Variants in KCNU1 observed in about 807,000 individuals in gnomAD.
The protein encoded by KCNU1 is potassium channel subfamily U member 1.
In KCNU1, 93 loss-of-function variants were observed where a neutral mutation model predicts 126.8. The observed-to-expected ratio is 0.73, with a 90% CI of 0.62 to 0.87. The LOEUF is 0.87. KCNU1 is among the 40% of genes least tolerant of loss of function. The pLI, the probability that KCNU1 is intolerant of heterozygous loss-of-function variation, is 0.00. For synonymous variants in KCNU1, 523 were observed against 494.2 expected (o/e 1.06, Z -0.77); for missense variants, 1,330 against 1,367.1 (o/e 0.97, Z 0.43).
At chr8:36,877,341 C>A (rs1296190891) in intron 19 of KCNU1, among the ~76,000 whole-genome samples, 1 of 147,594 alleles carries the variant, frequency 6.8e-6, no homozygotes, top group African/African-American at 2.5e-5. Flanking sequence ...TCACTCTTGT[C>A]GCCCAGGCTA....
At position 36,833,627 on chromosome 8, in the gene KCNU1, G is replaced by T. The variant is rs763715820; in HGVS notation, c.1180G>T (p.Ala394Ser). The T allele has an allele frequency of 6.2e-7, 1 of 1,611,482 alleles. No homozygotes were observed. The highest frequency in any genetic ancestry group is 8.5e-7 in the Non-Finnish European group (1 of 1,178,048). ...LAYTTFISGS[A>S]MKWEDLRRVA... is the part of the protein sequence containing the mutation. ...CTACACAACGTTCATTTCTGGATCT[G>T]CAATGAAGTGGGAGGATCTGAGGCG... The change falls in exon 11 of 27, where the codon GCA becomes TCA. Residue 394 changes from alanine (A) to serine (S), a missense_variant. By Grantham distance (99) the Ala-to-Ser change is moderately conservative. Transcript: ENST00000399881.
chr8:36,872,274 A>T lies in KCNU1; in HGVS notation c.2009+7753A>T, dbSNP rs75754689. 4.6e-3 allele frequency among the ~76,000 whole-genome samples: 700 copies of T among 152,300 alleles called. 7 individuals are homozygous for T. Among genetic ancestry groups the T allele is most frequent in the African/African-American group, 0.016 (661 of 41,562 alleles). ...GCTAAGGAACAAAGCCCTAACTAACAAATTTCAGGTGTCAACGTATAGGGG... is the reference window on the plus strand; with the variant it reads ...GCTAAGGAACAAAGCCCTAACTAACTAATTTCAGGTGTCAACGTATAGGGG... On this transcript the variant is annotated intron_variant, in intron 19 of 26. Coordinates refer to ENST00000399881, the MANE Select transcript of KCNU1 (RefSeq NM_001031836.3).
intron 10 of KCNU1, among the ~76,000 whole-genome samples, chr8:36,826,952 T>A (rs1804348853): frequency 6.6e-6 from 1 of 152,218 alleles, no homozygotes. Flanking sequence ...ATACTGTAGC[T>A]AGTTTTCAAT....
At chr8:36,788,954 C>G (rs955722318) in intron 2 of KCNU1, among the ~76,000 whole-genome samples, 1 of 152,088 alleles carries the variant, frequency 6.6e-6, no homozygotes, top group Non-Finnish European at 1.5e-5. Context: ...AATTACATAC[C>G]AATAAAAATG....
chr8:36,877,990 C>A (rs1313323143), intron 19 of KCNU1, among the ~76,000 whole-genome samples: 1 of 152,124 alleles, frequency 6.6e-6, no homozygotes, highest in Non-Finnish European at 1.5e-5. Context: ...AATAAATTCT[C>A]ACTGCATTCC....
At chr8:36,910,827 C>T in intron 21 of KCNU1, 103 bp from the exon 22 acceptor site, 1 of 772,646 alleles carries the variant, frequency 1.3e-6, no homozygotes, top group South Asian at 2.2e-5. Context: ...GGTTGGAGCT[C>T]AAAGCTCAAA....
At position 36,842,818 on chromosome 8, in the gene KCNU1, G is replaced by A. The variant is rs560413864; in HGVS notation, c.1703+1815G>A. 6.1e-4 allele frequency among the ~76,000 whole-genome samples: 93 copies of A among 152,112 alleles called. 1 individual carries two copies. Among genetic ancestry groups the A allele is most frequent in the Admixed American group, 2.2e-3 (34 of 15,264 alleles). On this transcript the variant is annotated intron_variant, in intron 16 of 26. Coordinates refer to ENST00000399881, the MANE Select transcript of KCNU1 (RefSeq NM_001031836.3). Reference sequence around the variant, plus strand: ...CCTGAGTAGCTGAGATTACAGGTGTGTGCACCACACCCGGTTAATTTTTGT... The same window carrying A: ...CCTGAGTAGCTGAGATTACAGGTGTATGCACCACACCCGGTTAATTTTTGT...
intron 18 of KCNU1, among the ~76,000 whole-genome samples, chr8:36,859,821 C>G (rs2211728): frequency 1.3e-5 from 2 of 151,952 alleles, no homozygotes; most frequent in African/African-American, 4.8e-5. Flanking sequence ...GAAATGTTGA[C>G]AATAACATTG....
chr8:36,796,070 T>C (rs995937145), intron 2 of KCNU1, among the ~76,000 whole-genome samples: 10 of 152,242 alleles, frequency 6.6e-5, no homozygotes, highest in African/African-American at 2.4e-4. Context: ...CTGCAAGTAA[T>C]GCTCTTATTT....
At chr8:36,889,045 A>T in intron 19 of KCNU1, 15 of 491,320 alleles carry the variant, frequency 3.1e-5, no homozygotes, top group South Asian at 2.3e-4. Context: ...TGCCCAGCTA[A>T]TTATTGTATT....
intron 19 of KCNU1, among the ~76,000 whole-genome samples, chr8:36,898,624 A>G (rs1038459485): frequency 6.6e-6 from 1 of 152,118 alleles, no homozygotes; most frequent in African/African-American, 2.4e-5. Flanking sequence ...TGTTTCAGTA[A>G]TGCGTTTTAG....
chr8:36,894,762 G>A (rs573787854), intron 19 of KCNU1, among the ~76,000 whole-genome samples: 28 of 152,166 alleles, frequency 1.8e-4, no homozygotes, highest in East Asian at 5.8e-4. Flanking sequence ...AATCTGAAGC[G>A]GAATCTGCTA....
rs766455822 is a variant in KCNU1, at chr8:36,804,020, T to C, written c.316-7T>C. The C allele has an allele frequency of 7.1e-6, 11 of 1,546,812 alleles. 1 individual carries two copies. In the South Asian group the frequency reaches 1.1e-4, roughly 15 times the overall value. On this transcript the variant is annotated splice_polypyrimidine_tract_variant and splice_region_variant and intron_variant, in intron 2 of 26. Transcript: ENST00000399881. Reference sequence around the variant, plus strand: ...TTTAGACATTTGTCCCTGTTTTTCATTTTCAGGTGATCCTTGTCTTTGTAC... The same window carrying C: ...TTTAGACATTTGTCCCTGTTTTTCACTTTCAGGTGATCCTTGTCTTTGTAC...
chr8:36,812,803 T>C (rs766677498), intron 7 of KCNU1, among the ~76,000 whole-genome samples: 2 of 152,160 alleles, frequency 1.3e-5, no homozygotes, highest in Non-Finnish European at 2.9e-5. Flanking sequence ...AAAGAGATAC[T>C]GAGAAAGTGG....
intron 19 of KCNU1, among the ~76,000 whole-genome samples, chr8:36,873,382 C>A (rs375517683): frequency 6.6e-6 from 1 of 152,140 alleles, no homozygotes; most frequent in East Asian, 1.9e-4. Context: ...AAAGACACAA[C>A]CATAATTGTC....
At chr8:36,864,368 A>T in intron 18 of KCNU1, 36 bp from the exon 19 acceptor site, 1 of 1,214,330 alleles carries the variant, frequency 8.2e-7, no homozygotes, top group African/African-American at 1.5e-5. Flanking sequence ...TTGTGAAGAG[A>T]TGTGCCAACT....
At chr8:36,872,328 G>A (rs966812572) in intron 19 of KCNU1, among the ~76,000 whole-genome samples, 1 of 152,158 alleles carries the variant, frequency 6.6e-6, no homozygotes, top group African/African-American at 2.4e-5. Flanking sequence ...CATCCAATAA[G>A]AGTCTTCTAT....
chr8:36,891,019 T>C (rs978000351), intron 19 of KCNU1, among the ~76,000 whole-genome samples: 1 of 151,822 alleles, frequency 6.6e-6, no homozygotes, highest in Non-Finnish European at 1.5e-5. Flanking sequence ...TTTTTATTAG[T>C]GTAATCTATT....
chr8:36,852,711 G>A (rs1805394265), intron 18 of KCNU1, among the ~76,000 whole-genome samples: 1 of 151,942 alleles, frequency 6.6e-6, no homozygotes, highest in Non-Finnish European at 1.5e-5. Context: ...GTGTACATAT[G>A]ATATGCATAA....
Sources: gnomAD v4.1 joint callset for allele counts (sites outside exome capture counted in the v4.1 genomes callset) on GRCh38, gnomAD v4.1.1 for gene constraint, MANE v1.5 for transcripts, NCBI Gene and HGNC (gene_info 2026-07-23, HGNC 2026-07-21) for gene names.